Variants in AKAP6 observed in about 807,000 individuals in gnomAD.
The protein encoded by AKAP6 is A-kinase anchor protein 6.
Under a neutral mutation model 188.5 loss-of-function variants are expected in AKAP6, and 58 were observed. That is an observed-to-expected ratio of 0.31 (90% CI 0.25 to 0.38). The LOEUF (loss-of-function observed/expected upper bound fraction) is 0.38. Among genes scored for constraint, AKAP6 ranks in the 10% least tolerant of loss-of-function variants. The pLI is 1.00. For missense variants in AKAP6, 2,710 were observed against 2,740.0 expected (o/e 0.99, Z 0.24); for synonymous variants, 989 against 998.6 (o/e 0.99, Z 0.18).
chr14:32,659,758 T>C (rs1258946505), intron 7 of AKAP6, among the ~76,000 whole-genome samples: 1 of 151,920 alleles, frequency 6.6e-6, no homozygotes, highest in Non-Finnish European at 1.5e-5. Context: ...TCAATAAGTA[T>C]ATACAAATAG....
At chr14:32,614,898 C>T (rs561290883) in intron 7 of AKAP6, among the ~76,000 whole-genome samples, 21 of 151,960 alleles carry the variant, frequency 1.4e-4, no homozygotes, top group East Asian at 3.9e-4. Context: ...AGGCTGGGTG[C>T]GGTGGCTCAC....
rs181510686 is a variant in AKAP6, at chr14:32,797,097, A to G, written c.3588+23204A>G. On this transcript the variant is annotated intron_variant, in intron 12 of 13. Transcript: ENST00000280979. ...AATGAGATACCATCTCACGCCAGTC[A>G]GAATGACTATTGTTAAAAATAAAAA... Among the ~76,000 whole-genome samples the G allele has an allele frequency of 2.7e-4, 41 of 152,360 alleles. 1 individual carries two copies. Among genetic ancestry groups the G allele is most frequent in the Non-Finnish European group, 1.5e-5 (1 of 68,026 alleles).
In AKAP6 at chr14:32,370,241, C is replaced by T. The variant is rs1004149230; in HGVS notation, c.-35+40833C>T. Among the ~76,000 whole-genome samples the T allele has an allele frequency of 3.9e-5, 6 of 152,282 alleles. No individual in the cohort carries two copies. In the East Asian group the frequency reaches 1.2e-3, roughly 29 times the overall value. Reference sequence around the variant, plus strand: ...ACAAATTAGCACAAACCAGAAACTGCTGTTGGAAAAGAAGCTTAGTGGTTT... The same window carrying T: ...ACAAATTAGCACAAACCAGAAACTGTTGTTGGAAAAGAAGCTTAGTGGTTT... On this transcript the variant is annotated intron_variant, in intron 1 of 13. Transcript: ENST00000280979.
Position 32,535,720 on chromosome 14 carries a change from G to T in AKAP6, c.491G>T (p.Arg164Leu). The T allele has an allele frequency of 6.2e-7, 1 of 1,614,210 alleles. No homozygotes were observed. Among genetic ancestry groups the T allele is most frequent in the Non-Finnish European group, 8.5e-7 (1 of 1,180,014 alleles). Reference protein sequence around the residue: ...LRVSVLVLRERILQGLQDANG... With the variant: ...LRVSVLVLRELILQGLQDANG... ...GTCTCAGTGCTGGTTCTGCGGGAGCGCATTCTGCAAGGTCTGCAGGACGCC... is the reference window on the plus strand; with the variant it reads ...GTCTCAGTGCTGGTTCTGCGGGAGCTCATTCTGCAAGGTCTGCAGGACGCC... Residue 164 changes from arginine to leucine, a missense_variant, in exon 3 of 14, where the codon CGC (arginine) becomes CTC (leucine). This residue lies in a region of AKAP6 where 237 missense variants were observed against 313.9 expected (regional missense o/e 0.76). Coordinates refer to ENST00000280979, the MANE Select transcript of AKAP6 (RefSeq NM_004274.5).
chr14:32,655,323 C>T (rs1018746070), intron 7 of AKAP6, among the ~76,000 whole-genome samples: 1 of 152,154 alleles, frequency 6.6e-6, no homozygotes, highest in African/African-American at 2.4e-5. Flanking sequence ...AGCGTAGATG[C>T]AAGATGTTAA....
At chr14:32,585,318 A>G (rs1885184722) in intron 5 of AKAP6, among the ~76,000 whole-genome samples, 1 of 152,224 alleles carries the variant, frequency 6.6e-6, no homozygotes, top group Non-Finnish European at 1.5e-5. Context: ...TAGGAAAAAC[A>G]ATCAACCACA....
intron 7 of AKAP6, among the ~76,000 whole-genome samples, chr14:32,609,618 A>C (rs944925984): frequency 6.6e-6 from 1 of 151,986 alleles, no homozygotes; most frequent in African/African-American, 2.4e-5. Context: ...AAGGTTGTGG[A>C]CCTCCCTGAG....
chr14:32,608,832 A>G (rs79176308), intron 7 of AKAP6, among the ~76,000 whole-genome samples: 2,174 of 152,296 alleles, frequency 0.014, 45 homozygotes, highest in African/African-American at 0.047. Context: ...AATATAATAT[A>G]GAGTAAACAC....
At chr14:32,749,224 G>A (rs1177944983) in intron 11 of AKAP6, among the ~76,000 whole-genome samples, 3 of 152,096 alleles carry the variant, frequency 2.0e-5, no homozygotes, top group Non-Finnish European at 4.4e-5. Context: ...TTTTGATTGA[G>A]AAGATTCCTT....
chr14:32,786,296 A>ATGTTTTTTTTTTTTTTGTT, intron 12 of AKAP6, among the ~76,000 whole-genome samples: 1 of 93,704 alleles, frequency 1.1e-5, no homozygotes, highest in Admixed American at 1.3e-4. Context: ...CTAAACCTTT[A>ATGTTTTTTTTTTTTTTGTT]TCTTTTTTTT....
chr14:32,340,490 A>G (rs535396689), intron 1 of AKAP6, among the ~76,000 whole-genome samples: 5 of 152,172 alleles, frequency 3.3e-5, no homozygotes, highest in Non-Finnish European at 7.4e-5. Flanking sequence ...TAAAATTTAA[A>G]TGATTTTTGT....
intron 9 of AKAP6, among the ~76,000 whole-genome samples, chr14:32,702,777 G>A (rs1031856571): frequency 6.6e-6 from 1 of 152,130 alleles, no homozygotes; most frequent in Non-Finnish European, 1.5e-5. Context: ...ACGAGCCGTG[G>A]GGAAAGTTCC....
Position 32,732,668 on chromosome 14 carries a change from G to A in AKAP6, c.3147+68G>A, listed in dbSNP as rs150374187. The A allele has an allele frequency of 1.9e-4, 294 of 1,542,286 alleles. No homozygotes were observed. In the African/African-American group the frequency reaches 2.6e-3, roughly 14 times the overall value. On this transcript the variant is annotated intron_variant, in intron 10 of 13. Transcript: ENST00000280979. ...TTTTGCGTAGTGAAGTACTCTGTCC[G>A]ATTTCTAATTTGAGGCACAAATATC...
chr14:32,555,799 T>C (rs1396379447), intron 4 of AKAP6, among the ~76,000 whole-genome samples: 1 of 152,156 alleles, frequency 6.6e-6, no homozygotes, highest in Non-Finnish European at 1.5e-5. Context: ...CTGAATAATA[T>C]TCTATTATGT....
rs75706747 is a variant in AKAP6 at position 32,534,207 on chromosome 14, C to T, written c.325-1347C>T. On this transcript the variant is annotated intron_variant, in intron 2 of 13. Coordinates refer to ENST00000280979, the MANE Select transcript of AKAP6 (RefSeq NM_004274.5). ...GGTTATGTTTCCAGCATAGAATGAC[C>T]GTTTTGACACTGATGGTAGGGCTCA... 7.3e-3 allele frequency among the ~76,000 whole-genome samples: 1,103 copies of T among 152,058 alleles called. 4 individuals are homozygous for T. The highest frequency in any genetic ancestry group is 0.011 in the Non-Finnish European group (733 of 68,000).
chr14:32,782,478 A>C lies in AKAP6; in HGVS notation c.3588+8585A>C, dbSNP rs114947844. Among the ~76,000 whole-genome samples the C allele has an allele frequency of 4.1e-3, 632 of 152,296 alleles. 2 individuals carry two copies. The highest frequency in any genetic ancestry group is 0.015 in the African/African-American group (605 of 41,576). ...AAGAAGCAAAATTATTTTTACTCAG[A>C]GATTCCATCACCATCTATGTAGAAA... On this transcript the variant is annotated intron_variant, in intron 12 of 13. Transcript: ENST00000280979.
At chr14:32,632,078 G>GTTT (rs1473362303) in intron 7 of AKAP6, among the ~76,000 whole-genome samples, 2 of 151,922 alleles carry the variant, frequency 1.3e-5, no homozygotes, top group Non-Finnish European at 2.9e-5. Flanking sequence ...TTGTCTGTTT[G>GTTT]TTTGTTTTTT....
chr14:32,470,441 A>G (rs1425201221), intron 2 of AKAP6, among the ~76,000 whole-genome samples: 1 of 152,202 alleles, frequency 6.6e-6, no homozygotes, highest in African/African-American at 2.4e-5. Context: ...GTTAGATGAT[A>G]TTCTCTGACT....
chr14:32,747,228 T>C (rs1314266413), intron 11 of AKAP6, among the ~76,000 whole-genome samples: 1 of 152,132 alleles, frequency 6.6e-6, no homozygotes. Context: ...AGGAGATGAG[T>C]TTGAAAGACA....
Sources: allele counts gnomAD v4.1 joint callset (sites outside exome capture counted in the v4.1 genomes callset), GRCh38; gene constraint gnomAD v4.1.1; regional missense constraint gnomAD v4.1.1; transcripts MANE v1.5; gene names NCBI Gene and HGNC (gene_info 2026-07-23, HGNC 2026-07-21).